The following ESRRG variants were observed in gnomAD, a reference collection of about 807,000 sequenced individuals.
The protein encoded by ESRRG is estrogen related receptor gamma.
Under a neutral mutation model 44.0 loss-of-function variants are expected in ESRRG, and 13 were observed. That is an observed-to-expected ratio of 0.30 (90% CI 0.19 to 0.47). The LOEUF is 0.47. ESRRG is among the 20% of genes least tolerant of loss of function. The pLI, the probability that ESRRG is intolerant of heterozygous loss-of-function variation, is 1.00. For synonymous variants in ESRRG, 215 were observed against 214.6 expected, an observed-to-expected ratio of 1.00 and a Z score of -0.02; for missense variants, 395 against 580.6, an observed-to-expected ratio of 0.68 and a Z score of 3.29.
intron 1 of ESRRG, chr1:216,707,431 C>G: frequency 1.3e-6 from 2 of 1,535,790 alleles, no homozygotes; most frequent in Non-Finnish European, 1.7e-6. Flanking sequence ...TCGCCACATT[C>G]AGGATCTAAA....
chr1:217,007,183 T>C (rs1296262240), intron 1 of ESRRG, among the ~76,000 whole-genome samples: 1 of 152,118 alleles, frequency 6.6e-6, no homozygotes, highest in Non-Finnish European at 1.5e-5. Context: ...ACATACAGCA[T>C]TCTAATGTAG....
At chr1:216,760,344 A>G (rs2092702803) in intron 2 of ESRRG, among the ~76,000 whole-genome samples, 1 of 151,894 alleles carries the variant, frequency 6.6e-6, no homozygotes, top group Admixed American at 6.6e-5. Flanking sequence ...AGAGAATAAT[A>G]TAAGAATATA....
chr1:216,623,156 C>T (rs2062583168), intron 3 of ESRRG, among the ~76,000 whole-genome samples: 1 of 138,656 alleles, frequency 7.2e-6, no homozygotes, highest in African/African-American at 2.8e-5. Context: ...GATCTCGGCT[C>T]ACTGCAAGCT....
intron 1 of ESRRG, among the ~76,000 whole-genome samples, chr1:217,042,188 T>C (rs1217602194): frequency 6.6e-6 from 1 of 152,240 alleles, no homozygotes; most frequent in Non-Finnish European, 1.5e-5. Flanking sequence ...CACTCAGCTA[T>C]ACAGTATGCT....
chr1:216,899,318 T>C (rs753505138), intron 2 of ESRRG, among the ~76,000 whole-genome samples: 8 of 152,168 alleles, frequency 5.3e-5, no homozygotes, highest in Non-Finnish European at 8.8e-5. Flanking sequence ...TTATAGACAA[T>C]GTTGACGATG....
intron 3 of ESRRG, among the ~76,000 whole-genome samples, chr1:216,622,909 A>T (rs2062511721): frequency 6.6e-6 from 1 of 152,048 alleles, no homozygotes; most frequent in Non-Finnish European, 1.5e-5. Context: ...GAAATAAAGG[A>T]AAAAGGGAGA....
chr1:216,941,154 C>G (rs1159713821), intron 1 of ESRRG, among the ~76,000 whole-genome samples: 8 of 152,012 alleles, frequency 5.3e-5, no homozygotes. Context: ...AAGATAAGAG[C>G]CTGTTAAAAA....
intron 3 of ESRRG, among the ~76,000 whole-genome samples, chr1:216,621,330 G>C (rs946449098): frequency 6.6e-6 from 1 of 152,110 alleles, no homozygotes; most frequent in African/African-American, 2.4e-5. Context: ...GTGCTTAAAA[G>C]AATTTTGACA....
At chr1:216,791,829 A>T (rs2094329597) in intron 2 of ESRRG, among the ~76,000 whole-genome samples, 1 of 152,174 alleles carries the variant, frequency 6.6e-6, no homozygotes, top group Admixed American at 6.5e-5. Flanking sequence ...GAAAAATCAA[A>T]TAGATCTTCT....
chr1:217,068,107 C>T (rs1186706962), intron 1 of ESRRG, among the ~76,000 whole-genome samples: 1 of 152,182 alleles, frequency 6.6e-6, no homozygotes, highest in African/African-American at 2.4e-5. Flanking sequence ...ATAGAGCTAC[C>T]TCAATTCCAT....
chr1:217,094,142 C>T (rs1283981560), upstream of ESRRG, among the ~76,000 whole-genome samples: 3 of 152,164 alleles, frequency 2.0e-5, no homozygotes, highest in Admixed American at 6.5e-5. Context: ...GTCTTCACCT[C>T]CAGAGTTGCT....
chr1:216,640,346 C>T (rs1428896804), intron 3 of ESRRG, among the ~76,000 whole-genome samples: 1 of 152,118 alleles, frequency 6.6e-6, no homozygotes, highest in Non-Finnish European at 1.5e-5. Context: ...CTGACCTACT[C>T]TCCACTGAGT....
rs563829818 is a variant in ESRRG, at chr1:217,065,759, G to A, written c.-106+23748C>T. Among the ~76,000 whole-genome samples the A allele has an allele frequency of 1.1e-3, 165 of 152,268 alleles. 2 individuals are homozygous for A. Among genetic ancestry groups the A allele is most frequent in the African/African-American group, 3.9e-3 (160 of 41,548 alleles). On this transcript the variant is annotated intron_variant, in intron 1 of 7. Coordinates refer to the ESRRG transcript ENST00000359162. ...CTGGCAAAGAGAGAGTTACACAATA[G>A]TTTTCTTTTTCTCCCTCTAGAAGCA...
At chr1:216,865,894 A>G (rs1468066104) in intron 2 of ESRRG, among the ~76,000 whole-genome samples, 1 of 152,102 alleles carries the variant, frequency 6.6e-6, no homozygotes, top group Non-Finnish European at 1.5e-5. Flanking sequence ...CTTTTTTCCT[A>G]TATTGTACAA....
Position 216,510,582 on chromosome 1 carries a change from T to C in ESRRG, c.1133-3399A>G, listed in dbSNP as rs148583674. Among the ~76,000 whole-genome samples the C allele has an allele frequency of 3.3e-3, 502 of 152,278 alleles. 4 individuals carry two copies. Among genetic ancestry groups the C allele is most frequent in the Non-Finnish European group, 5.1e-3 (345 of 68,022 alleles). On this transcript the variant is annotated intron_variant, in intron 6 of 6. Transcript: ENST00000408911. ...GAATAAAATACTGCCCTTCTCTATGTTAGAAAATATTAATCATTGTGGGCC... is the reference window on the plus strand; with the variant it reads ...GAATAAAATACTGCCCTTCTCTATGCTAGAAAATATTAATCATTGTGGGCC...
chr1:216,996,312 A>T (rs2076371471), intron 1 of ESRRG, among the ~76,000 whole-genome samples: 1 of 152,122 alleles, frequency 6.6e-6, no homozygotes, highest in Admixed American at 6.5e-5. Flanking sequence ...CATGCAGAGG[A>T]CTGGAAGTAG....
At chr1:216,992,409 A>G (rs904639782) in intron 1 of ESRRG, among the ~76,000 whole-genome samples, 1 of 152,238 alleles carries the variant, frequency 6.6e-6, no homozygotes, top group East Asian at 1.9e-4. Flanking sequence ...CAAACAGTGC[A>G]AGAGTCTTGA....
intron 1 of ESRRG, among the ~76,000 whole-genome samples, chr1:216,987,692 C>T (rs771968813): frequency 6.6e-6 from 1 of 152,166 alleles, no homozygotes; most frequent in Non-Finnish European, 1.5e-5. Context: ...GTTGCCAGTG[C>T]CCCACTCCCA....
At chr1:216,765,766 T>A (rs1187887222) in intron 2 of ESRRG, among the ~76,000 whole-genome samples, 1 of 152,074 alleles carries the variant, frequency 6.6e-6, no homozygotes, top group African/African-American at 2.4e-5. Flanking sequence ...CTTTTTTTCC[T>A]ACTGGCAGTG....
Sources: allele counts gnomAD v4.1 joint callset (sites outside exome capture counted in the v4.1 genomes callset), GRCh38; gene constraint gnomAD v4.1.1; transcripts MANE v1.5; gene names NCBI Gene and HGNC (gene_info 2026-07-23, HGNC 2026-07-21).